COX5A: variants seen among roughly 807,000 people sequenced by gnomAD.
The protein encoded by COX5A is cytochrome c oxidase subunit 5A, mitochondrial.
Under a neutral mutation model 16.1 loss-of-function variants are expected in COX5A, and 6 were observed. The observed-to-expected ratio is 0.37, with a 90% CI of 0.20 to 0.73. The LOEUF is 0.73. COX5A is among the 30% of genes least tolerant of loss of function. The probability of loss-of-function intolerance (pLI) is 0.50; values close to 1 mark genes in which losing one functional copy is unlikely to be tolerated. For synonymous variants in COX5A, 73 were observed against 73.8 expected, an observed-to-expected ratio of 0.99 and a Z score of 0.06; for missense variants, 159 against 194.9, an observed-to-expected ratio of 0.82 and a Z score of 1.10.
At position 74,936,417 on chromosome 15, in the gene COX5A, A is replaced by AGT. The variant is rs538513297; in HGVS notation, c.100+1496_100+1497dup. On this transcript the variant is annotated intron_variant, in intron 1 of 4. Transcript: ENST00000322347. ...CTAAAGTACACTCTAGGTTGGCTGC[A>AGT]GTGGCTCATGCCTATAATCCCAAAC... is the stretch of plus-strand genomic sequence containing the variant. Among the ~76,000 whole-genome samples, 317 of 151,790 alleles carry AGT rather than the reference A, an allele frequency of 2.1e-3. 1 individual carries two copies. Among genetic ancestry groups the AGT allele is most frequent in the African/African-American group, 7.5e-3 (312 of 41,436 alleles).
chr15:74,935,371 C>T (rs1003197124), intron 1 of COX5A, among the ~76,000 whole-genome samples: 4 of 151,874 alleles, frequency 2.6e-5, no homozygotes, highest in Non-Finnish European at 5.9e-5. Flanking sequence ...TGGCTCACAC[C>T]TGTAATCCCA....
intron 3 of COX5A, among the ~76,000 whole-genome samples, chr15:74,924,917 A>C (rs1444721382): frequency 6.6e-6 from 1 of 152,180 alleles, no homozygotes; most frequent in Non-Finnish European, 1.5e-5. Flanking sequence ...TTTCATGGAG[A>C]GCTGTACTTT....
intron 2 of COX5A, 102 bp downstream of exon 2, chr15:74,929,014 T>C: frequency 1.2e-6 from 1 of 848,070 alleles, no homozygotes; most frequent in East Asian, 2.4e-5. Context: ...AAGTAACCAG[T>C]TTAAACAACG....
chr15:74,928,675 G>A (rs866445433), intron 2 of COX5A, among the ~76,000 whole-genome samples: 27 of 152,332 alleles, frequency 1.8e-4, no homozygotes, highest in African/African-American at 4.6e-4. Flanking sequence ...GTGAGCCACC[G>A]CGCCCGTGCT....
chr15:74,935,475 T>C (rs1250302155), intron 1 of COX5A, among the ~76,000 whole-genome samples: 1 of 150,610 alleles, frequency 6.6e-6, no homozygotes, highest in South Asian at 2.1e-4. Flanking sequence ...TGGCGCACCC[T>C]TGTGGTCCCA....
At chr15:74,920,522 A>G in intron 4 of COX5A, 80 bp from the exon 5 acceptor site, 1 of 659,928 alleles carries the variant, frequency 1.5e-6, no homozygotes. Context: ...CCTTAGTGCT[A>G]CAACCAGGGA....
chr15:74,937,858 G>T, intron 1 of COX5A, 57 bp downstream of exon 1: 1 of 1,056,374 alleles, frequency 9.5e-7, no homozygotes, highest in South Asian at 4.8e-5. Flanking sequence ...GTGGCAGCGG[G>T]GACCCAGGTC....
chr15:74,919,946 T>C lies in COX5A; in HGVS notation c.*506A>G, dbSNP rs1373546467. The C allele has an allele frequency of 5.6e-6, 1 of 178,408 alleles. No homozygotes were observed. Among genetic ancestry groups the C allele is most frequent in the East Asian group, 1.8e-4 (1 of 5,558 alleles). The allele number at this position is 178,408 out of a possible 1,614,324, so 11.1% of individuals were successfully genotyped here. ...ACCGTAAGAGGGCTTGGCTACTGCA[T>C]AGCACATCCTCAAGACTATCTCAGT... On this transcript the variant is annotated 3_prime_UTR_variant, in exon 5 of 5. Coordinates refer to ENST00000322347, the MANE Select transcript of COX5A (RefSeq NM_004255.4).
intron 1 of COX5A, among the ~76,000 whole-genome samples, chr15:74,936,365 TATAAA>T (rs992586063): frequency 1.3e-5 from 2 of 152,024 alleles, no homozygotes; most frequent in Non-Finnish European, 2.9e-5. Context: ...TTTCCTTTTC[TATAAA>T]ATAAAATGGC....
chr15:74,926,585 G>A (rs536758632), intron 3 of COX5A, among the ~76,000 whole-genome samples, 181 bp downstream of exon 3: 4 of 152,194 alleles, frequency 2.6e-5, no homozygotes, highest in African/African-American at 7.2e-5. Flanking sequence ...AATTTGTAAG[G>A]CCTTGAATAA....
chr15:74,931,553 ATTTTTTTTT>A (rs200291956), intron 1 of COX5A, among the ~76,000 whole-genome samples: 3 of 138,452 alleles, frequency 2.2e-5, no homozygotes, highest in Non-Finnish European at 3.1e-5. Context: ...AAGCATTTCC[ATTTTTTTTT>A]TTTTTTTTTG....
At chr15:74,936,516 C>T (rs1008753034) in intron 1 of COX5A, among the ~76,000 whole-genome samples, 20 of 151,906 alleles carry the variant, frequency 1.3e-4, no homozygotes, top group African/African-American at 4.6e-4. Flanking sequence ...AGGGACACTC[C>T]GTCTCTAATT....
Position 74,926,887 on chromosome 15 carries a change from C to T in COX5A, c.218G>A (p.Gly73Glu). Residue 73 changes from glycine (G) to glutamate (E), a missense_variant and splice_region_variant, in exon 3 of 5, where the codon GGG (glycine) becomes GAG (glutamate). Physicochemically the swap from Gly to Glu is moderately conservative, Grantham distance 98. Transcript: ENST00000322347. ...ATCATAGGTAACAAGTGTGTTTATC[C>T]CTGCAAAATTAAAAAGAAGGGCCAT... ...PDIDAWELRKGINTLVTYDMV... is the reference protein window; with the variant it reads ...PDIDAWELRKEINTLVTYDMV... 1.2e-6 allele frequency: 2 copies of T among 1,606,920 alleles called. No individual in the cohort carries two copies. Among genetic ancestry groups the T allele is most frequent in the Non-Finnish European group, 1.7e-6 (2 of 1,177,746 alleles).
At chr15:74,929,468 A>C (rs1175787389) in intron 1 of COX5A, among the ~76,000 whole-genome samples, 1 of 152,236 alleles carries the variant, frequency 6.6e-6, no homozygotes, top group African/African-American at 2.4e-5. Flanking sequence ...CCTAATGTAT[A>C]ATACTCGCTT....
Position 74,935,623 on chromosome 15 carries a change from AT to A in COX5A, c.100+2291del, listed in dbSNP as rs1409117453. ...CCAAAAAAAAAAAATAAATAAATAA[AT>A]AAATAAAAAATTTTTTTTTTGAGAT... is the stretch of plus-strand genomic sequence containing the variant. On this transcript the variant is annotated intron_variant, in intron 1 of 4. Transcript: ENST00000322347. Among the ~76,000 whole-genome samples, 106 of 151,716 alleles carry A rather than the reference AT, an allele frequency of 7.0e-4. No individual in the cohort carries two copies. In the Middle Eastern group the frequency reaches 0.014, roughly 19 times the overall value.
intron 1 of COX5A, among the ~76,000 whole-genome samples, chr15:74,934,181 C>T (rs1255339408): frequency 6.6e-6 from 1 of 152,066 alleles, no homozygotes; most frequent in East Asian, 1.9e-4. Context: ...CCCAGGGCAA[C>T]AAGGCTGCAG....
rs988950311 is a variant in COX5A at position 74,931,660 on chromosome 15, T to C, written c.101-2428A>G. Reference sequence around the variant, plus strand: ...CCTCTGCCTCCTGGATTCAAGTGATTCTCCTGCCTCAGCCTTCTGAGTAGC... The same window carrying C: ...CCTCTGCCTCCTGGATTCAAGTGATCCTCCTGCCTCAGCCTTCTGAGTAGC... On this transcript the variant is annotated intron_variant, in intron 1 of 4. Coordinates refer to ENST00000322347, the MANE Select transcript of COX5A (RefSeq NM_004255.4). Among the ~76,000 whole-genome samples, 8 of 151,662 alleles carry C rather than the reference T, an allele frequency of 5.3e-5. No homozygotes were observed. The East Asian group carries it at 1.6e-3, about 30-fold the overall frequency.
At chr15:74,922,831 A>C (rs943627074) in intron 4 of COX5A, among the ~76,000 whole-genome samples, 2 of 151,850 alleles carry the variant, frequency 1.3e-5, no homozygotes, top group South Asian at 4.2e-4. Flanking sequence ...ACACCCAGCT[A>C]ATTTTTGTAT....
intron 2 of COX5A, among the ~76,000 whole-genome samples, chr15:74,928,284 A>G (rs2065352291): frequency 6.6e-6 from 1 of 152,212 alleles, no homozygotes; most frequent in Admixed American, 6.5e-5. Flanking sequence ...GACAAGTTCT[A>G]ACTTACTTAG....
Sources: gnomAD v4.1 joint callset for allele counts (sites outside exome capture counted in the v4.1 genomes callset) on GRCh38, gnomAD v4.1.1 for gene constraint, MANE v1.5 for transcripts, NCBI Gene and HGNC (gene_info 2026-07-23, HGNC 2026-07-21) for gene names.